The following IL13RA1 variants were observed in gnomAD, a reference collection of about 807,000 sequenced individuals.
IL13RA1 encodes the protein interleukin-13 receptor subunit alpha-1.
A neutral mutation model predicts 33.8 loss-of-function variants in IL13RA1; 14 were observed. The observed-to-expected ratio is 0.41, with a 90% CI of 0.27 to 0.65. The LOEUF (loss-of-function observed/expected upper bound fraction) is 0.65. Ranked by LOEUF, IL13RA1 falls within the 30% of genes least tolerant of loss-of-function variation. The pLI is 0.28. For missense variants in IL13RA1, 313 were observed against 327.0 expected (o/e 0.96, Z 0.33); for synonymous variants, 116 against 115.7 (o/e 1.00, Z -0.02).
At chrX:118,783,842 G>A (rs1397280416) in intron 10 of IL13RA1, among the ~76,000 whole-genome samples, 1 of 101,622 alleles carries the variant, frequency 9.8e-6, no homozygotes, top group African/African-American at 3.6e-5. Flanking sequence ...CACTTGGGAG[G>A]ATGAGGCAAG....
the IL13RA1 span, among the ~76,000 whole-genome samples, chrX:118,803,081 C>T: frequency 8.9e-6 from 1 of 112,322 alleles, no homozygotes; most frequent in African/African-American, 3.2e-5. Flanking sequence ...TCAGACTTGT[C>T]CTGCCTCATT....
intron 2 of IL13RA1, among the ~76,000 whole-genome samples, chrX:118,743,090 AT>A (rs1026101045): frequency 2.7e-5 from 3 of 111,875 alleles, no homozygotes; most frequent in Non-Finnish European, 5.6e-5. Flanking sequence ...TCAGTCCTAC[AT>A]TTGTGATGAA....
downstream of IL13RA1, among the ~76,000 whole-genome samples, chrX:118,798,807 C>T (rs984295078): frequency 8.9e-6 from 1 of 112,787 alleles, no homozygotes; most frequent in African/African-American, 3.2e-5. Flanking sequence ...GTCCTCACAG[C>T]CCTCGCTCGC....
chrX:118,790,844 A>G (rs141573089), intron 10 of IL13RA1, among the ~76,000 whole-genome samples: 1 of 112,021 alleles, frequency 8.9e-6, no homozygotes, highest in African/African-American at 3.2e-5. Flanking sequence ...TTCTAAGAAC[A>G]TCTGTGCAGA....
rs1051164712 is a variant in IL13RA1 at position 118,749,797 on chromosome X, A to G, written c.488+19A>G. 2.1e-5 allele frequency: 23 copies of G among 1,082,356 alleles called. No homozygotes were observed. Among genetic ancestry groups the G allele is most frequent in the Middle Eastern group, 2.5e-4 (1 of 3,996 alleles). The allele number at this position is 1,082,356 out of a possible 1,213,427, so 89.2% of individuals were successfully genotyped here. On this transcript the variant is annotated intron_variant, in intron 4 of 10. Transcript: ENST00000371666. ...ACTATTGGTGAGTATGTACAGTACAATTACTGGAAGACTGATTGTAATTGT... is the reference window on the plus strand; with the variant it reads ...ACTATTGGTGAGTATGTACAGTACAGTTACTGGAAGACTGATTGTAATTGT...
chrX:118,767,326 A>C lies in IL13RA1; in HGVS notation c.1009+350A>C, dbSNP rs748070792. The stretch of plus-strand genomic sequence containing the variant: ...GAGGCTGAGGCAGGAGGATCGCTTG[A>C]GCCCAGGAGTTGGAGACCAGCCTGA... On this transcript the variant is annotated intron_variant, in intron 8 of 10. Coordinates refer to ENST00000371666, the MANE Select transcript of IL13RA1 (RefSeq NM_001560.3). Among the ~76,000 whole-genome samples the C allele has an allele frequency of 8.1e-5, 9 of 111,770 alleles. No homozygotes were observed. The East Asian group carries it at 2.5e-3, about 31-fold the overall frequency.
chrX:118,773,151 C>A (rs369526702), intron 8 of IL13RA1, among the ~76,000 whole-genome samples: 32 of 112,228 alleles, frequency 2.9e-4, no homozygotes, highest in African/African-American at 1.0e-3. Context: ...TAGTTGAAAA[C>A]AACATGTATT....
At chrX:118,742,524 C>T (rs2017355450) in intron 2 of IL13RA1, among the ~76,000 whole-genome samples, 3 of 112,280 alleles carry the variant, frequency 2.7e-5, no homozygotes, top group Admixed American at 1.9e-4. Flanking sequence ...CTTAAGTTGT[C>T]AAGGATCAAT....
downstream of IL13RA1, among the ~76,000 whole-genome samples, chrX:118,798,444 A>G (rs1011669527): frequency 8.9e-6 from 1 of 111,742 alleles, no homozygotes; most frequent in African/African-American, 3.3e-5. Context: ...CTGAAGAACC[A>G]TAACACTTCA....
In IL13RA1 at chrX:118,791,991, G is replaced by A. The variant is rs546114521; in HGVS notation, c.*137G>A. On this transcript the variant is annotated 3_prime_UTR_variant, in exon 11 of 11. Transcript: ENST00000371666. ...AACAGGCAGCTCATAAGAGCCACAG[G>A]TCTTTATGTTGAGTCGCGCACCGAA... 1.9e-3 allele frequency: 669 copies of A among 361,563 alleles called. 9 individuals are homozygous for A. The South Asian group carries it at 0.043, about 23-fold the overall frequency. 29.8% of individuals were successfully genotyped at this position (361,563 alleles called of 1,213,427 possible).
At chrX:118,795,798 T>G (rs1270759211), downstream of IL13RA1, among the ~76,000 whole-genome samples, 3 of 112,509 alleles carry the variant, frequency 2.7e-5, no homozygotes, top group African/African-American at 6.5e-5. Context: ...GTGTAACTTA[T>G]GCTCACATGA....
At chrX:118,767,338 G>A (rs1432754753) in intron 8 of IL13RA1, among the ~76,000 whole-genome samples, 1 of 111,301 alleles carries the variant, frequency 9.0e-6, no homozygotes, top group African/African-American at 3.3e-5. Context: ...CCCAGGAGTT[G>A]GAGACCAGCC....
At chrX:118,770,597 A>T (rs1385790311) in intron 8 of IL13RA1, 1 of 475,533 alleles carries the variant, frequency 2.1e-6, no homozygotes, top group Non-Finnish European at 3.8e-6. Context: ...CTGTACGGGC[A>T]CATCCGCCAG....
intron 8 of IL13RA1, chrX:118,770,423 G>T (rs779563877): frequency 2.0e-5 from 8 of 391,271 alleles, no homozygotes; most frequent in South Asian, 2.0e-4. Flanking sequence ...GTCAACGGCA[G>T]CCTGGCACTG....
chrX:118,777,001 A>G (rs1435003595), intron 10 of IL13RA1, among the ~76,000 whole-genome samples: 38 of 5,230 alleles, frequency 7.3e-3, no homozygotes, highest in Middle Eastern at 0.083. Flanking sequence ...GTGTGTGTAT[A>G]TATATATATA....
rs1262616284 is a variant in IL13RA1 at position 118,793,985 on chromosome X, G to A, written c.*2131G>A. The A allele has an allele frequency of 1.8e-5, 2 of 111,999 alleles. No individual in the cohort carries two copies. The highest frequency in any genetic ancestry group is 6.5e-5 in the African/African-American group (2 of 30,746). 9.2% of individuals were successfully genotyped at this position (111,999 alleles called of 1,213,427 possible). On this transcript the variant is annotated 3_prime_UTR_variant, in exon 11 of 11. Coordinates refer to ENST00000371666, the MANE Select transcript of IL13RA1 (RefSeq NM_001560.3). ...AGGAATGAGATTAATTCCTTTCCAGGTATTTTATAATTCTGGGAAGCAAAA... is the reference window on the plus strand; with the variant it reads ...AGGAATGAGATTAATTCCTTTCCAGATATTTTATAATTCTGGGAAGCAAAA...
chrX:118,766,929 A>G lies in IL13RA1; in HGVS notation c.962A>G (p.Tyr321Cys), dbSNP rs1160033309. ...RIRVKTNKLC[Y>C]EDDKLWSNWS... is the part of the protein sequence containing the mutation. ...AGAGTCAAAACAAATAAGTTATGCT[A>G]TGAGGATGACAAACTCTGGAGTAAT... The change falls in exon 8 of 11, where the codon TAT becomes TGT. Residue 321 changes from tyrosine to cysteine, a missense_variant. Transcript: ENST00000371666. 1 of 1,122,024 alleles carries G rather than the reference A, an allele frequency of 8.9e-7. No individual in the cohort carries two copies. Among genetic ancestry groups the G allele is most frequent in the Non-Finnish European group, 1.2e-6 (1 of 816,664 alleles). 92.5% of individuals were successfully genotyped at this position (1,122,024 alleles called of 1,213,427 possible). A position where few individuals can be genotyped will look rare whatever the true frequency, so the allele number is the denominator to read the frequency against.
chrX:118,798,759 G>A (rs1441882936), downstream of IL13RA1, among the ~76,000 whole-genome samples: 1 of 112,630 alleles, frequency 8.9e-6, no homozygotes, highest in East Asian at 2.8e-4. Context: ...TATTGCCCAG[G>A]CTAGAGTACA....
chrX:118,787,783 C>T (rs1219105660), intron 10 of IL13RA1, among the ~76,000 whole-genome samples: 2 of 111,892 alleles, frequency 1.8e-5, no homozygotes, highest in African/African-American at 6.5e-5. Context: ...TATGACTGTC[C>T]TGCCCGGCTC....
Sources: allele counts gnomAD v4.1 joint callset (sites outside exome capture counted in the v4.1 genomes callset), GRCh38; gene constraint gnomAD v4.1.1; transcripts MANE v1.5; gene names NCBI Gene and HGNC (gene_info 2026-07-23, HGNC 2026-07-21).